Variants in SLC39A11 observed in about 807,000 individuals in gnomAD.
SLC39A11 encodes solute carrier family 39 member 11, also known as zinc transporter ZIP11.
A neutral mutation model predicts 36.1 loss-of-function variants in SLC39A11; 33 were observed. The observed-to-expected ratio is 0.91, with a 90% CI of 0.69 to 1.22. The LOEUF (loss-of-function observed/expected upper bound fraction) is 1.22. Ranked by LOEUF, SLC39A11 falls within the 50% of genes most tolerant of loss-of-function variation. The pLI is 0.00. For synonymous variants in SLC39A11, 166 were observed against 170.3 expected (o/e 0.97, Z 0.20); for missense variants, 432 against 430.3 (o/e 1.00, Z -0.03).
At chr17:72,877,214 G>A (rs893103773) in intron 5 of SLC39A11, among the ~76,000 whole-genome samples, 1 of 152,208 alleles carries the variant, frequency 6.6e-6, no homozygotes, top group African/African-American at 2.4e-5. Context: ...TGTGTGTTAG[G>A]TGTGTGCTTT....
chr17:72,673,483 T>C (rs753911892), intron 7 of SLC39A11, among the ~76,000 whole-genome samples: 35 of 152,202 alleles, frequency 2.3e-4, no homozygotes, highest in Non-Finnish European at 3.8e-4. Flanking sequence ...TATTTAATCA[T>C]AGTTTGCACA....
At chr17:72,693,598 G>A (rs886240354) in intron 7 of SLC39A11, among the ~76,000 whole-genome samples, 26 of 152,124 alleles carry the variant, frequency 1.7e-4, no homozygotes, top group Admixed American at 6.5e-4. Context: ...GCCGCTGCAC[G>A]CTCAGCAGCA....
chr17:72,727,211 A>T (rs2073963810), intron 7 of SLC39A11, among the ~76,000 whole-genome samples: 1 of 152,252 alleles, frequency 6.6e-6, no homozygotes, highest in South Asian at 2.1e-4. Context: ...AGCTGAGGGC[A>T]TGTCTCCTCT....
chr17:72,669,262 T>G (rs1220639953), intron 7 of SLC39A11, among the ~76,000 whole-genome samples: 1 of 152,210 alleles, frequency 6.6e-6, no homozygotes, highest in Non-Finnish European at 1.5e-5. Flanking sequence ...CACGACACTA[T>G]GAACTAAACC....
chr17:72,734,078 T>A (rs1021874838), intron 7 of SLC39A11, among the ~76,000 whole-genome samples: 1 of 152,138 alleles, frequency 6.6e-6, no homozygotes, highest in African/African-American at 2.4e-5. Flanking sequence ...CTTTCCCTCA[T>A]GGCTACTCAA....
At chr17:73,022,701 CA>C (rs1301183647) in intron 4 of SLC39A11, among the ~76,000 whole-genome samples, 17 of 148,162 alleles carry the variant, frequency 1.1e-4, no homozygotes, top group African/African-American at 4.2e-4. Context: ...CCCAAAACAA[CA>C]TCTGAACATC....
rs1275812277 is a variant in SLC39A11, at chr17:72,646,822, G to C, written c.*762C>G. The C allele has an allele frequency of 1.3e-5, 2 of 152,388 alleles. No individual in the cohort carries two copies. The highest frequency in any genetic ancestry group is 4.8e-5 in the African/African-American group (2 of 41,382). 9.4% of individuals were successfully genotyped at this position (152,388 alleles called of 1,614,324 possible). On this transcript the variant is annotated 3_prime_UTR_variant, in exon 10 of 10. Coordinates refer to ENST00000255559, the MANE Select transcript of SLC39A11 (RefSeq NM_139177.4). ...AGCGCGACAAATGGCCTTGCTCCTGGAATCCATTGACAGCAGAGGCCTCCG... is the reference window on the plus strand; with the variant it reads ...AGCGCGACAAATGGCCTTGCTCCTGCAATCCATTGACAGCAGAGGCCTCCG...
At chr17:72,821,506 G>GAAAA (rs1180203343) in intron 6 of SLC39A11, 1 of 37,290 alleles carries the variant, frequency 2.7e-5, no homozygotes, top group Non-Finnish European at 4.6e-5. Context: ...ACTCTGTCAC[G>GAAAA]AAAAAAAAAA....
At chr17:72,918,175 G>A (rs907135243) in intron 5 of SLC39A11, among the ~76,000 whole-genome samples, 8 of 152,118 alleles carry the variant, frequency 5.3e-5, no homozygotes, top group African/African-American at 9.7e-5. Flanking sequence ...TTGGGAGGCC[G>A]AGGCGGGTGG....
chr17:72,989,617 T>G lies in SLC39A11; in HGVS notation c.307-41742A>C, dbSNP rs548539905. Among the ~76,000 whole-genome samples, 22 of 152,358 alleles carry G rather than the reference T, an allele frequency of 1.4e-4. No homozygotes were observed. In the South Asian group the frequency reaches 4.6e-3, roughly 32 times the overall value. On this transcript the variant is annotated intron_variant, in intron 4 of 9. Coordinates refer to ENST00000255559, the MANE Select transcript of SLC39A11 (RefSeq NM_139177.4). ...ATTTGGGAAGTATGTTCATTTATAA[T>G]GACAATTCTGTCATGCACCCTCACC...
At chr17:72,813,440 C>T (rs2077490529) in intron 6 of SLC39A11, among the ~76,000 whole-genome samples, 1 of 152,202 alleles carries the variant, frequency 6.6e-6, no homozygotes, top group South Asian at 2.1e-4. Flanking sequence ...TATTAATTTT[C>T]TGCTACCTTA....
At chr17:72,891,001 G>A (rs565067282) in intron 5 of SLC39A11, among the ~76,000 whole-genome samples, 35 of 151,328 alleles carry the variant, frequency 2.3e-4, no homozygotes, top group Non-Finnish European at 4.4e-4. Context: ...TCACAAGGGG[G>A]TGGAAAGTGA....
intron 7 of SLC39A11, among the ~76,000 whole-genome samples, chr17:72,684,490 C>T (rs544423949): frequency 6.6e-6 from 1 of 152,332 alleles, no homozygotes; most frequent in African/African-American, 2.4e-5. Context: ...CTGCTAGCAC[C>T]GACCACAGTG....
intron 7 of SLC39A11, among the ~76,000 whole-genome samples, chr17:72,670,233 T>G (rs999810329): frequency 2.0e-5 from 3 of 146,794 alleles, no homozygotes; most frequent in Admixed American, 6.8e-5. Flanking sequence ...ATGCCAGGCA[T>G]GGTGGCACAC....
intron 5 of SLC39A11, among the ~76,000 whole-genome samples, chr17:72,882,146 A>G (rs6501569): frequency 0.52 from 79,190 of 151,900 alleles, 22,573 homozygotes; most frequent in African/African-American, 0.75. Flanking sequence ...AGAGGTCAAG[A>G]GTTCAAGACC....
intron 6 of SLC39A11, among the ~76,000 whole-genome samples, chr17:72,805,017 A>AAAT (rs370336789): frequency 9.9e-5 from 15 of 151,930 alleles, no homozygotes; most frequent in South Asian, 2.1e-4. Flanking sequence ...TCCATCTCAC[A>AAAT]AATAATAATA....
chr17:72,864,718 T>G (rs191213895), intron 5 of SLC39A11, among the ~76,000 whole-genome samples: 97 of 152,308 alleles, frequency 6.4e-4, no homozygotes, highest in Middle Eastern at 3.4e-3. Flanking sequence ...ATTCCCTCCC[T>G]GCCTAAGAGC....
chr17:73,087,685 G>T (rs907326014), intron 2 of SLC39A11, among the ~76,000 whole-genome samples: 1 of 152,018 alleles, frequency 6.6e-6, no homozygotes, highest in Non-Finnish European at 1.5e-5. Flanking sequence ...TAGAAGGGGT[G>T]TAAGGATGGG....
intron 6 of SLC39A11, among the ~76,000 whole-genome samples, chr17:72,779,615 C>T (rs1396635730): frequency 6.6e-6 from 1 of 152,118 alleles, no homozygotes. Flanking sequence ...GCTGCTAGGG[C>T]AAGGGAATGC....
Sources: gnomAD v4.1 joint callset for allele counts (sites outside exome capture counted in the v4.1 genomes callset) on GRCh38, gnomAD v4.1.1 for gene constraint, MANE v1.5 for transcripts, NCBI Gene and HGNC (gene_info 2026-07-23, HGNC 2026-07-21) for gene names.